Variants in MICAL2 observed in about 807,000 individuals in gnomAD.
The protein encoded by MICAL2 is microtubule associated monooxygenase, calponin and LIM domain containing 2, also known as [F-actin]-monooxygenase MICAL2.
MICAL2 carries 77 observed loss-of-function variants against 127.3 expected under a neutral mutation model. The observed-to-expected ratio is 0.60, with a 90% CI of 0.50 to 0.73. The LOEUF is 0.73. Among genes scored for constraint, MICAL2 ranks in the 30% least tolerant of loss-of-function variants. The pLI is 0.00. For synonymous variants in MICAL2, 570 were observed against 551.1 expected, an observed-to-expected ratio of 1.03 and a Z score of -0.48; for missense variants, 1,351 against 1,434.4, an observed-to-expected ratio of 0.94 and a Z score of 0.94.
chr11:12,155,942 A>C (rs1266355213), intron 2 of MICAL2, among the ~76,000 whole-genome samples: 2 of 152,252 alleles, frequency 1.3e-5, no homozygotes, highest in Non-Finnish European at 2.9e-5. Context: ...TTGAGTGGCT[A>C]TAAGAAGCAA....
intron 2 of MICAL2, among the ~76,000 whole-genome samples, chr11:12,158,048 C>A (rs1390566118): frequency 6.6e-6 from 1 of 152,008 alleles, no homozygotes; most frequent in Non-Finnish European, 1.5e-5. Context: ...GTTGACTATA[C>A]CTAAACTGAA....
chr11:12,310,038 A>T (rs1864154806), intron 29 of MICAL2, among the ~76,000 whole-genome samples: 1 of 151,864 alleles, frequency 6.6e-6, no homozygotes, highest in Non-Finnish European at 1.5e-5. Context: ...GGTTTTTTGT[A>T]CTGAGTTATT....
chr11:12,342,575 G>A (rs1938884046), intron 32 of MICAL2, among the ~76,000 whole-genome samples: 1 of 152,242 alleles, frequency 6.6e-6, no homozygotes, highest in African/African-American at 2.4e-5. Flanking sequence ...TGGCAAGGTA[G>A]GTGTGGTATG....
chr11:12,296,850 A>G (rs1401649441), downstream of MICAL2, among the ~76,000 whole-genome samples: 2 of 151,862 alleles, frequency 1.3e-5, no homozygotes, highest in Non-Finnish European at 2.9e-5. Flanking sequence ...TTTATTTTGG[A>G]GCTCATTCCA....
intron 11 of MICAL2, 48 bp downstream of exon 11, chr11:12,222,791 T>C: frequency 6.2e-7 from 1 of 1,603,554 alleles, no homozygotes. Flanking sequence ...CACTGAACAG[T>C]GGGAAGAGGT....
At chr11:12,228,188 G>A (rs1187826033) in intron 15 of MICAL2, among the ~76,000 whole-genome samples, 1 of 152,176 alleles carries the variant, frequency 6.6e-6, no homozygotes, top group Non-Finnish European at 1.5e-5. Context: ...AAATTAGCCA[G>A]GTGTGGTGAC....
intron 2 of MICAL2, among the ~76,000 whole-genome samples, chr11:12,154,102 C>G (rs563520250): frequency 1.1e-4 from 17 of 152,268 alleles, no homozygotes; most frequent in Admixed American, 4.6e-4. Context: ...TGGAAGGCAC[C>G]TGCTGCACTG....
chr11:12,336,824 G>T (rs1175325419), intron 32 of MICAL2, among the ~76,000 whole-genome samples: 8 of 152,090 alleles, frequency 5.3e-5, no homozygotes, highest in Non-Finnish European at 7.4e-5. Flanking sequence ...TGGTGGATAA[G>T]CTTTTTGCTG....
At chr11:12,133,612 G>A (rs138136090) in intron 1 of MICAL2, among the ~76,000 whole-genome samples, 10 of 151,696 alleles carry the variant, frequency 6.6e-5, no homozygotes, top group African/African-American at 2.4e-4. Context: ...CTTGGGACAG[G>A]TGACTGAGAA....
intron 8 of MICAL2, among the ~76,000 whole-genome samples, chr11:12,218,952 G>A (rs1481427502): frequency 3.9e-5 from 6 of 152,122 alleles, no homozygotes; most frequent in African/African-American, 1.2e-4. Flanking sequence ...CCCATTCATC[G>A]GTCACTTCCC....
At chr11:12,134,347 G>A (rs564571782) in intron 1 of MICAL2, among the ~76,000 whole-genome samples, 1 of 152,204 alleles carries the variant, frequency 6.6e-6, no homozygotes, top group South Asian at 2.1e-4. Flanking sequence ...ATCAGCTTTA[G>A]CTTCCTTCTT....
chr11:12,234,363 C>T (rs971009911), intron 15 of MICAL2, among the ~76,000 whole-genome samples: 14 of 151,714 alleles, frequency 9.2e-5, no homozygotes, highest in Non-Finnish European at 1.8e-4. Context: ...TTGGGTAGGA[C>T]ATTCTGTACT....
intron 29 of MICAL2, among the ~76,000 whole-genome samples, chr11:12,312,600 GC>G (rs1864186747): frequency 6.6e-6 from 1 of 152,124 alleles, no homozygotes; most frequent in South Asian, 2.1e-4. Context: ...AGGAGAAAAG[GC>G]ATACAAATTT....
chr11:12,229,865 G>C (rs1011340641), intron 15 of MICAL2, among the ~76,000 whole-genome samples: 3 of 152,238 alleles, frequency 2.0e-5, no homozygotes, highest in Non-Finnish European at 4.4e-5. Context: ...TGCCCATTTT[G>C]AGAGGAGTCA....
intron 3 of MICAL2, among the ~76,000 whole-genome samples, chr11:12,203,748 C>G (rs376410003): frequency 4.6e-5 from 7 of 152,190 alleles, no homozygotes; most frequent in African/African-American, 1.7e-4. Flanking sequence ...TTGGAAGCAC[C>G]AAGTTTTAAT....
At position 12,263,042 on chromosome 11, in the gene MICAL2, C is replaced by T. The variant is rs190936972; in HGVS notation, c.*17+505C>T. ...TGGAGGGATTTAAAAAACTTAATTA[C>T]TCTCAGGCCTCATCCCAAGCTTGAC... is the stretch of plus-strand genomic sequence containing the variant. On this transcript the variant is annotated intron_variant, in intron 27 of 27. Coordinates refer to ENST00000683283, the MANE Select transcript of MICAL2 (RefSeq NM_001282663.2). 2.4e-3 allele frequency: 378 copies of T among 156,564 alleles called. 1 individual carries two copies. Among genetic ancestry groups the T allele is most frequent in the African/African-American group, 8.9e-3 (371 of 41,602 alleles). 9.7% of individuals were successfully genotyped at this position (156,564 alleles called of 1,614,324 possible).
downstream of MICAL2, chr11:12,293,638 C>G: frequency 1.9e-6 from 3 of 1,614,112 alleles, no homozygotes; most frequent in Non-Finnish European, 1.7e-6. Context: ...GGAGGCGAGC[C>G]GTAGCCCAAG....
intron 16 of MICAL2, among the ~76,000 whole-genome samples, chr11:12,237,672 C>T (rs747769451): frequency 1.3e-5 from 2 of 152,104 alleles, no homozygotes; most frequent in African/African-American, 2.4e-5. Flanking sequence ...CCTGGGGCAA[C>T]GGTTTTGCTT....
intron 24 of MICAL2, among the ~76,000 whole-genome samples, chr11:12,269,687 C>G (rs988697155): frequency 6.6e-6 from 1 of 152,196 alleles, no homozygotes; most frequent in South Asian, 2.1e-4. Flanking sequence ...GGCTGAGGCT[C>G]GGCACTGCCT....
Sources: gnomAD v4.1 joint callset for allele counts (sites outside exome capture counted in the v4.1 genomes callset) on GRCh38, gnomAD v4.1.1 for gene constraint, MANE v1.5 for transcripts, NCBI Gene and HGNC (gene_info 2026-07-23, HGNC 2026-07-21) for gene names.